Variants in FGD3 observed in about 807,000 individuals in gnomAD.
FGD3 encodes FYVE, RhoGEF and PH domain-containing protein 3.
A neutral mutation model predicts 71.8 loss-of-function variants in FGD3; 45 were observed. That is an observed-to-expected ratio of 0.63 (90% CI 0.49 to 0.80). The LOEUF (loss-of-function observed/expected upper bound fraction) is 0.80, where lower values mean the gene tolerates loss of function less well. FGD3 is among the 30% of genes least tolerant of loss of function. The probability of loss-of-function intolerance (pLI) is 0.00; values close to 1 mark genes in which losing one functional copy is unlikely to be tolerated. For synonymous variants in FGD3, 378 were observed against 392.8 expected, an observed-to-expected ratio of 0.96 and a Z score of 0.44; for missense variants, 844 against 951.5, an observed-to-expected ratio of 0.89 and a Z score of 1.49.
chr9:92,988,517 C>T (rs147897767), intron 3 of FGD3, among the ~76,000 whole-genome samples: 2,981 of 152,266 alleles, frequency 0.02, 110 homozygotes, highest in African/African-American at 0.068. Flanking sequence ...CCCCTGCTCC[C>T]CTGCTCATGT....
rs1227475033 is a variant in FGD3, at chr9:93,006,174, C to A, written c.831C>A (p.Ser277Arg). The A allele has an allele frequency of 1.9e-6, 3 of 1,577,978 alleles. No individual in the cohort carries two copies. The highest frequency in any genetic ancestry group is 8.6e-7 in the Non-Finnish European group (1 of 1,159,446). Residue 277 changes from serine (S) to arginine (R), a missense_variant, in exon 6 of 18, where the codon AGC (serine) becomes AGA (arginine). By Grantham distance (110) the Ser-to-Arg change is moderately radical (BLOSUM62 -1). Coordinates refer to ENST00000375482, the MANE Select transcript of FGD3 (RefSeq NM_001083536.2). The part of the protein sequence containing the change: ...RSPLFKDVVH[S>R]IQKQEVCGNL... Reference sequence around the variant, plus strand: ...CACTGTTTAAAGACGTCGTCCACAGCATCCAGGTAAGGCCGGCAGTGGGAG... The same window carrying A: ...CACTGTTTAAAGACGTCGTCCACAGAATCCAGGTAAGGCCGGCAGTGGGAG...
At chr9:93,020,491 A>C in intron 13 of FGD3, 67 bp downstream of exon 13, 1 of 1,416,274 alleles carries the variant, frequency 7.1e-7, no homozygotes, top group Non-Finnish European at 9.8e-7. Context: ...AGCAGAAGGC[A>C]CTGGCGTCTG....
chr9:93,032,419 T>G, intron 15 of FGD3: 2 of 233,060 alleles, frequency 8.6e-6, no homozygotes, highest in Non-Finnish European at 8.6e-6. Flanking sequence ...GGGTGAGAGG[T>G]GGTTTCTGGT....
chr9:93,006,872 G>A (rs1287719504), intron 6 of FGD3, among the ~76,000 whole-genome samples: 2 of 151,040 alleles, frequency 1.3e-5, no homozygotes, highest in Admixed American at 6.6e-5. Context: ...GAATACAGGC[G>A]CCCACCACCA....
At chr9:93,001,287 CTG>C (rs1442354016) in intron 3 of FGD3, among the ~76,000 whole-genome samples, 1 of 152,060 alleles carries the variant, frequency 6.6e-6, no homozygotes, top group African/African-American at 2.4e-5. Context: ...GCTCATAGAT[CTG>C]TGTTTCCTTA....
intron 3 of FGD3, among the ~76,000 whole-genome samples, 162 bp from the exon 4 acceptor site, chr9:93,002,760 GCAC>G (rs1860903221): frequency 2.0e-5 from 3 of 152,194 alleles, no homozygotes; most frequent in Non-Finnish European, 4.4e-5. Context: ...TGAGAACTGA[GCAC>G]CACATCGCCA....
intron 1 of FGD3, among the ~76,000 whole-genome samples, chr9:92,957,199 C>T (rs1859070388): frequency 6.6e-6 from 1 of 152,224 alleles, no homozygotes; most frequent in South Asian, 2.1e-4. Flanking sequence ...TGTTTTCTTT[C>T]CTCTTGGGTA....
intron 1 of FGD3, among the ~76,000 whole-genome samples, chr9:92,949,448 G>A (rs1858913493): frequency 6.6e-6 from 1 of 152,156 alleles, no homozygotes; most frequent in African/African-American, 2.4e-5. Flanking sequence ...GGGGACATGT[G>A]GGCCCATTTC....
intron 6 of FGD3, among the ~76,000 whole-genome samples, chr9:93,008,248 C>T (rs1050183804): frequency 5.9e-5 from 9 of 152,178 alleles, no homozygotes; most frequent in African/African-American, 2.2e-4. Context: ...TATTCTCTTG[C>T]GTACTCCCAG....
chr9:93,019,795 A>G, intron 11 of FGD3, 36 bp from the exon 12 acceptor site: 2 of 1,607,790 alleles, frequency 1.2e-6, no homozygotes, highest in East Asian at 4.5e-5. Flanking sequence ...TCAGTATCCA[A>G]GACTGGATTA....
rs1043899854 is a variant in FGD3, at chr9:93,032,816, G to C, written c.1728G>C (p.Gln576His). Residue 576 changes from glutamine (Q) to histidine (H), a missense_variant, in exon 16 of 18, where the codon CAG (glutamine) becomes CAC (histidine). Coordinates refer to ENST00000375482, the MANE Select transcript of FGD3 (RefSeq NM_001083536.2). ...AGTTCAAGGCCGAGAACAGCCGGCA[G>C]AGCCGTGTCTGCAGAGATTGTTTCC... Reference protein sequence around the residue: ...CSEFKAENSRQSRVCRDCFLT... With the variant: ...CSEFKAENSRHSRVCRDCFLT... The C allele has an allele frequency of 2.5e-6, 4 of 1,614,136 alleles. No homozygotes were observed. The Admixed American group carries it at 6.7e-5, about 27-fold the overall frequency.
intron 1 of FGD3, among the ~76,000 whole-genome samples, chr9:92,971,561 CTTTTCTTTTTTTTTTTT>C (rs1203458483): frequency 2.7e-4 from 17 of 63,248 alleles, no homozygotes; most frequent in African/African-American, 1.0e-3. Context: ...CTTTTCTTTT[CTTTTCTTTTTTTTTTTT>C]TTTTTTTTTT....
At chr9:92,982,623 G>T (rs1004641369) in intron 3 of FGD3, among the ~76,000 whole-genome samples, 6 of 151,734 alleles carry the variant, frequency 4.0e-5, no homozygotes, top group East Asian at 3.9e-4. Context: ...GAGTGCAACG[G>T]CAAGATCACC....
chr9:92,952,229 G>A (rs1212730637), intron 1 of FGD3, among the ~76,000 whole-genome samples: 1 of 145,894 alleles, frequency 6.9e-6, no homozygotes, highest in Non-Finnish European at 1.5e-5. Context: ...ATTGTTGAAA[G>A]TCAATTTTTT....
chr9:93,021,647 C>T (rs554496762), intron 13 of FGD3, among the ~76,000 whole-genome samples: 116 of 152,292 alleles, frequency 7.6e-4, no homozygotes, highest in African/African-American at 2.8e-3. Flanking sequence ...CTCTCGCCGC[C>T]TGACCCAGAC....
At chr9:92,993,592 T>A (rs1286200543) in intron 3 of FGD3, among the ~76,000 whole-genome samples, 1 of 152,138 alleles carries the variant, frequency 6.6e-6, no homozygotes, top group Non-Finnish European at 1.5e-5. Flanking sequence ...ATTAGGTAAA[T>A]CTCCTAATGC....
Position 93,022,392 on chromosome 9 carries a change from A to G in FGD3, c.1557+3A>G, listed in dbSNP as rs372939566. 1.9e-5 allele frequency: 30 copies of G among 1,612,024 alleles called. No homozygotes were observed. Among genetic ancestry groups the G allele is most frequent in the Middle Eastern group, 3.3e-4 (2 of 6,080 alleles). The stretch of plus-strand genomic sequence containing the variant: ...AAGGCAGTTCGGGTGCAGCAGGGGT[A>G]AGTGCCCCATGCTCAGCGGTCAGCA... On this transcript the variant is annotated splice_donor_region_variant and intron_variant, in intron 14 of 17. Transcript: ENST00000375482.
At chr9:92,983,102 C>T (rs1860057052) in intron 3 of FGD3, among the ~76,000 whole-genome samples, 1 of 151,814 alleles carries the variant, frequency 6.6e-6, no homozygotes, top group South Asian at 2.1e-4. Flanking sequence ...AAAAATTCAC[C>T]TTTTAAAAAG....
intron 2 of FGD3, 146 bp downstream of exon 2, chr9:92,975,551 C>T (rs559532288): frequency 9.8e-5 from 15 of 152,396 alleles, no homozygotes; most frequent in African/African-American, 3.4e-4. Flanking sequence ...GGTGAATTTT[C>T]TGTGCACTTA....
Sources: allele counts gnomAD v4.1 joint callset (sites outside exome capture counted in the v4.1 genomes callset), GRCh38; gene constraint gnomAD v4.1.1; transcripts MANE v1.5; gene names NCBI Gene and HGNC (gene_info 2026-07-23, HGNC 2026-07-21).